The following ZDHHC9 variants were observed in gnomAD, a reference collection of about 807,000 sequenced individuals.
The protein encoded by ZDHHC9 is palmitoyltransferase ZDHHC9.
ZDHHC9 carries 3 observed loss-of-function variants against 26.6 expected under a neutral mutation model. The observed-to-expected ratio is 0.11, with a 90% CI of 0.05 to 0.29. The LOEUF (loss-of-function observed/expected upper bound fraction) is 0.29, where lower values mean the gene tolerates loss of function less well. Ranked by LOEUF, ZDHHC9 falls within the 10% of genes least tolerant of loss-of-function variation. The probability of loss-of-function intolerance (pLI) is 1.00; values close to 1 mark genes in which losing one functional copy is unlikely to be tolerated. For missense variants in ZDHHC9, 146 were observed against 296.4 expected (o/e 0.49, Z 3.73); for synonymous variants, 111 against 109.4 (o/e 1.01, Z -0.09).
rs1277589523 is a variant in ZDHHC9 at position 129,805,727 on chromosome X, T to A, written c.*643A>T. On this transcript the variant is annotated 3_prime_UTR_variant, in exon 11 of 11. Coordinates refer to ENST00000357166, the MANE Select transcript of ZDHHC9 (RefSeq NM_016032.4). ...ATTATCTCTACTACAACTACTTACA[T>A]ATATCTAATGGGAAAAGAGTGGGGC... is the stretch of plus-strand genomic sequence containing the variant. 1 of 112,583 alleles carries A rather than the reference T, an allele frequency of 8.9e-6. No individual in the cohort carries two copies. The highest frequency in any genetic ancestry group is 1.9e-5 in the Non-Finnish European group (1 of 53,751). The allele number at this position is 112,583 out of a possible 1,213,427, so 9.3% of individuals were successfully genotyped here. A position where few individuals can be genotyped will look rare whatever the true frequency, so the allele number is the denominator to read the frequency against.
chrX:129,813,001 T>C (rs1380829610), intron 7 of ZDHHC9, among the ~76,000 whole-genome samples, 181 bp from the exon 8 acceptor site: 1 of 112,378 alleles, frequency 8.9e-6, no homozygotes, highest in Non-Finnish European at 1.9e-5. Flanking sequence ...TATGAAAGAA[T>C]TTCTAGCGTA....
At chrX:129,831,798 C>G (rs183785302) in intron 3 of ZDHHC9, among the ~76,000 whole-genome samples, 1 of 111,252 alleles carries the variant, frequency 9.0e-6, no homozygotes, top group Admixed American at 9.6e-5. Flanking sequence ...AAACTTCGAG[C>G]GCCAGCCACT....
chrX:129,824,252 T>C (rs778774946), intron 4 of ZDHHC9, among the ~76,000 whole-genome samples: 1 of 111,512 alleles, frequency 9.0e-6, no homozygotes, highest in Non-Finnish European at 1.9e-5. Context: ...CATTCTTAGA[T>C]CTTATCAGTG....
chrX:129,826,274 G>A (rs973354984), intron 4 of ZDHHC9, among the ~76,000 whole-genome samples: 3 of 110,572 alleles, frequency 2.7e-5, no homozygotes, highest in Non-Finnish European at 5.7e-5. Context: ...TGGGAGACAG[G>A]GTTCATGGTT....
At chrX:129,810,462 C>A (rs1272449262) in intron 10 of ZDHHC9, among the ~76,000 whole-genome samples, 1 of 111,571 alleles carries the variant, frequency 9.0e-6, no homozygotes, top group Non-Finnish European at 1.9e-5. Context: ...TTTGCATATT[C>A]CAGTTAGGAA....
At chrX:129,810,133 G>A (rs181898250) in intron 10 of ZDHHC9, among the ~76,000 whole-genome samples, 17 of 109,715 alleles carry the variant, frequency 1.5e-4, no homozygotes, top group Non-Finnish European at 2.7e-4. Flanking sequence ...GGAGGATCAC[G>A]AGGTCAGGAG....
chrX:129,817,592 C>T (rs973713112), intron 5 of ZDHHC9, among the ~76,000 whole-genome samples: 2 of 111,691 alleles, frequency 1.8e-5, no homozygotes, highest in Admixed American at 9.5e-5. Flanking sequence ...CCTTTCATTA[C>T]TCCAAACAGA....
At chrX:129,821,620 T>C (rs1217111666) in intron 5 of ZDHHC9, among the ~76,000 whole-genome samples, 2 of 108,623 alleles carry the variant, frequency 1.8e-5, no homozygotes, top group Non-Finnish European at 3.8e-5. Context: ...AGTTTCCTGC[T>C]TCACTTAAAA....
intron 10 of ZDHHC9, among the ~76,000 whole-genome samples, chrX:129,807,541 C>T (rs1927549480): frequency 9.1e-6 from 1 of 110,372 alleles, no homozygotes; most frequent in African/African-American, 3.3e-5. Flanking sequence ...GAACAAGGGC[C>T]GAGTACGGTG....
Position 129,814,664 on chromosome X carries a change from C to T in ZDHHC9, c.619G>A (p.Ala207Thr), listed in dbSNP as rs1218797820. 1 of 1,211,170 alleles carries T rather than the reference C, an allele frequency of 8.3e-7. No individual in the cohort carries two copies. Among genetic ancestry groups the T allele is most frequent in the Admixed American group, 2.2e-5 (1 of 45,979 alleles). ...YVFAFNIVYV[A>T]LKSLKIGFLE... ...CACTGCCCTGTATACTCACTGAGGG[C>T]CACATAGACGATGTTGAAGGCGAAG... is the stretch of plus-strand genomic sequence containing the variant. The change falls in exon 6 of 11, where the codon GCC (alanine) becomes ACC (threonine). Residue 207 changes from alanine (A) to threonine (T), a missense_variant. Around this residue, in one of 2 missense-constraint regions of ZDHHC9, gnomAD observed 100 missense variants for 250.0 expected, o/e 0.40. Coordinates refer to ENST00000357166, the MANE Select transcript of ZDHHC9 (RefSeq NM_016032.4).
At chrX:129,819,716 G>T (rs774831845) in intron 5 of ZDHHC9, among the ~76,000 whole-genome samples, 1 of 106,734 alleles carries the variant, frequency 9.4e-6, no homozygotes, top group African/African-American at 3.6e-5. Flanking sequence ...TATTTATTTA[G>T]AGACAGAGTC....
At position 129,804,595 on chromosome X, in the gene ZDHHC9, C is replaced by G. The variant is rs181449631; in HGVS notation, c.*1775G>C. The G allele has an allele frequency of 1.8e-5, 2 of 111,320 alleles. No individual in the cohort carries two copies. The highest frequency in any genetic ancestry group is 1.9e-4 in the Admixed American group (2 of 10,508). The allele number at this position is 111,320 out of a possible 1,213,427, so 9.2% of individuals were successfully genotyped here. Reference sequence around the variant, plus strand: ...CCAAGGGGGGGCCCTGATGAGCCTGCGTTAATAACTAAGACTTATTAGCAA... The same window carrying G: ...CCAAGGGGGGGCCCTGATGAGCCTGGGTTAATAACTAAGACTTATTAGCAA... On this transcript the variant is annotated 3_prime_UTR_variant, in exon 11 of 11. Transcript: ENST00000357166.
chrX:129,806,833 A>C lies in ZDHHC9; in HGVS notation c.979-347T>G, dbSNP rs186535483. Reference sequence around the variant, plus strand: ...AACAAGGCCTGACCCAATGGTCCTCAATCGTGTTTCTGCCCGAACACACAG... The same window carrying C: ...AACAAGGCCTGACCCAATGGTCCTCCATCGTGTTTCTGCCCGAACACACAG... On this transcript the variant is annotated intron_variant, in intron 10 of 10. Transcript: ENST00000357166. Among the ~76,000 whole-genome samples the C allele has an allele frequency of 2.4e-3, 267 of 112,047 alleles. 1 individual carries two copies. The highest frequency in any genetic ancestry group is 4.3e-3 in the Non-Finnish European group (227 of 53,237).
At chrX:129,819,127 C>G (rs1012952260) in intron 5 of ZDHHC9, among the ~76,000 whole-genome samples, 1 of 93,143 alleles carries the variant, frequency 1.1e-5, no homozygotes, top group Non-Finnish European at 2.0e-5. Context: ...GAGCTGAGAT[C>G]GCGCCACTGC....
At chrX:129,825,359 T>C (rs1927992432) in intron 4 of ZDHHC9, among the ~76,000 whole-genome samples, 2 of 112,072 alleles carry the variant, frequency 1.8e-5, no homozygotes, top group South Asian at 7.2e-4. Context: ...GAGATATTTA[T>C]ATTTTTTGGC....
chrX:129,829,365 C>T (rs1054224704), intron 3 of ZDHHC9, among the ~76,000 whole-genome samples: 1 of 111,305 alleles, frequency 9.0e-6, no homozygotes, highest in African/African-American at 3.3e-5. Flanking sequence ...ACAGAAGACA[C>T]GCTTGAGGAC....
chrX:129,813,595 T>C lies in ZDHHC9; in HGVS notation c.674+82A>G, dbSNP rs1927694249. The C allele has an allele frequency of 6.1e-6, 6 of 984,835 alleles. 1 individual carries two copies. The highest frequency in any genetic ancestry group is 3.9e-5 in the South Asian group (2 of 51,829). The allele number at this position is 984,835 out of a possible 1,213,427, so 81.2% of individuals were successfully genotyped here. Reference sequence around the variant, plus strand: ...ACTCTCTGATATCTGAAAAACTAGATAGTGGGAGAACTGTGGGGAAAAAGC... The same window carrying C: ...ACTCTCTGATATCTGAAAAACTAGACAGTGGGAGAACTGTGGGGAAAAAGC... On this transcript the variant is annotated intron_variant, in intron 7 of 10. Coordinates refer to ENST00000357166, the MANE Select transcript of ZDHHC9 (RefSeq NM_016032.4).
At chrX:129,810,259 A>G (rs1328432660) in intron 10 of ZDHHC9, among the ~76,000 whole-genome samples, 2 of 105,109 alleles carry the variant, frequency 1.9e-5, no homozygotes, top group African/African-American at 7.0e-5. Flanking sequence ...GAGGCAGAGA[A>G]TTGCTTGAAC....
intron 4 of ZDHHC9, among the ~76,000 whole-genome samples, chrX:129,825,938 A>G (rs374050297): frequency 5.4e-5 from 6 of 111,823 alleles, no homozygotes; most frequent in East Asian, 5.5e-4. Context: ...TTTAAAGTCC[A>G]TATTACTTGT....
Sources: gnomAD v4.1 joint callset for allele counts (sites outside exome capture counted in the v4.1 genomes callset) on GRCh38, gnomAD v4.1.1 for gene constraint, gnomAD v4.1.1 regional missense constraint, MANE v1.5 for transcripts, NCBI Gene and HGNC (gene_info 2026-07-23, HGNC 2026-07-21) for gene names.